The following MATR3 variants were observed in gnomAD, a reference collection of about 807,000 sequenced individuals.
MATR3 encodes matrin-3.
Under a neutral mutation model 85.5 loss-of-function variants are expected in MATR3, and 4 were observed. The ratio of observed to expected loss-of-function variants is 0.05; its 90% confidence interval spans 0.02 to 0.11. MATR3 has a LOEUF of 0.11. Among genes scored for constraint, MATR3 ranks in the 10% least tolerant of loss-of-function variants. The pLI, the probability that MATR3 is intolerant of heterozygous loss-of-function variation, is 1.00. For missense variants in MATR3, 685 were observed against 1,016.1 expected (o/e 0.67, Z 4.43); for synonymous variants, 336 against 343.1 (o/e 0.98, Z 0.23).
chr5:139,310,099 C>CT (rs1230851258), intron 2 of MATR3: 2 of 152,112 alleles, frequency 1.3e-5, no homozygotes, highest in Non-Finnish European at 2.9e-5. Context: ...TATGATTATG[C>CT]TTTTTTCCTT....
Position 139,330,877 on chromosome 5 carries a change from A to T in MATR3, c.*1482A>T, listed in dbSNP as rs79616595. 1,526 of 453,912 alleles carry T rather than the reference A, an allele frequency of 3.4e-3. 20 individuals carry two copies. Among genetic ancestry groups the T allele is most frequent in the African/African-American group, 0.021 (1,033 of 50,098 alleles). The allele number at this position is 453,912 out of a possible 1,614,324, so 28.1% of individuals were successfully genotyped here. On this transcript the variant is annotated 3_prime_UTR_variant, in exon 15 of 15. Transcript: ENST00000394805. ...CAGTGGCACAGTTCTCTGCAACCTCAGCCTTTGGGCTCAAATGACCCTCCT... is the reference window on the plus strand; with the variant it reads ...CAGTGGCACAGTTCTCTGCAACCTCTGCCTTTGGGCTCAAATGACCCTCCT...
In MATR3 at chr5:139,319,490, A is replaced by G; in HGVS notation, c.1591A>G (p.Met531Val). Residue 531 changes from methionine to valine, a missense_variant, in exon 9 of 15, where the codon ATG becomes GTG. Met to Val is a conservative substitution (Grantham distance 21). Coordinates refer to ENST00000394805, the MANE Select transcript of MATR3 (RefSeq NM_018834.6). ...GKIKNYILMR[M>V]KSQAFIEMET... ...AATAAAGAATTACATATTGATGAGG[A>G]TGAAAAGTCAGGTAATATACATAAG... The G allele has an allele frequency of 2.5e-6, 4 of 1,613,224 alleles. No individual in the cohort carries two copies. The highest frequency in any genetic ancestry group is 3.4e-6 in the Non-Finnish European group (4 of 1,179,594).
At chr5:139,282,324 A>G (rs1202448932) in intron 3 of MATR3, among the ~76,000 whole-genome samples, 3 of 152,178 alleles carry the variant, frequency 2.0e-5, no homozygotes, top group Non-Finnish European at 4.4e-5. Context: ...ATTTAGGAAC[A>G]CTTGTAATGA....
intron 2 of MATR3, chr5:139,276,424 T>C (rs1753277312): frequency 9.2e-6 from 3 of 327,068 alleles, no homozygotes; most frequent in South Asian, 7.5e-5. Context: ...ACACTAACGA[T>C]AACTGATAGC....
intron 1 of MATR3, among the ~76,000 whole-genome samples, chr5:139,305,483 C>G (rs559840655): frequency 9.1e-4 from 138 of 152,206 alleles, no homozygotes; most frequent in African/African-American, 3.2e-3. Flanking sequence ...AATTAATAAC[C>G]CTGATACTTC....
At chr5:139,297,615 C>T (rs1754223624) in intron 1 of MATR3, among the ~76,000 whole-genome samples, 1 of 152,138 alleles carries the variant, frequency 6.6e-6, no homozygotes, top group African/African-American at 2.4e-5. Flanking sequence ...GTGCTGTTAT[C>T]TGACCTAACC....
In MATR3 at chr5:139,325,045, T is replaced by C. The variant is rs192430849; in HGVS notation, c.2149-395T>C. Among the ~76,000 whole-genome samples, 78 of 152,040 alleles carry C rather than the reference T, an allele frequency of 5.1e-4. 1 individual carries two copies. Among genetic ancestry groups the C allele is most frequent in the Admixed American group, 2.6e-3 (40 of 15,256 alleles). ...TCTCTACTAAAATTACAAAAAAAAT[T>C]AGCCGGGCGTGGTGGCGTGCGCCTG... On this transcript the variant is annotated intron_variant, in intron 12 of 14. Coordinates refer to ENST00000394805, the MANE Select transcript of MATR3 (RefSeq NM_018834.6).
intron 1 of MATR3, among the ~76,000 whole-genome samples, chr5:139,301,081 C>T (rs1167770872): frequency 6.6e-6 from 1 of 152,136 alleles, no homozygotes; most frequent in Admixed American, 6.5e-5. Context: ...TCCCAAAGTG[C>T]TAGGATTACA....
At chr5:139,322,340 C>G in intron 10 of MATR3, 123 bp from the exon 11 acceptor site, 1 of 950,254 alleles carries the variant, frequency 1.1e-6, no homozygotes, top group Non-Finnish European at 1.7e-6. Flanking sequence ...CTTAGGTTCT[C>G]AAATAAGGTT....
intron 2 of MATR3, among the ~76,000 whole-genome samples, chr5:139,309,422 G>A (rs1204729979): frequency 6.6e-6 from 1 of 152,018 alleles, no homozygotes; most frequent in Non-Finnish European, 1.5e-5. Context: ...TCTTTTCATA[G>A]CTAATCCTTT....
intron 14 of MATR3, among the ~76,000 whole-genome samples, chr5:139,327,274 A>C (rs975586828): frequency 6.0e-5 from 9 of 150,684 alleles, no homozygotes; most frequent in Admixed American, 1.3e-4. Context: ...TTTTGGAAAT[A>C]ATTCAAGTTC....
chr5:139,291,430 A>C (rs1753866037), upstream of MATR3, among the ~76,000 whole-genome samples: 1 of 152,258 alleles, frequency 6.6e-6, no homozygotes, highest in African/African-American at 2.4e-5. Flanking sequence ...GTACTCAAGA[A>C]ATATTTCTTG....
chr5:139,325,969 G>A (rs1357884712), intron 13 of MATR3, among the ~76,000 whole-genome samples, 194 bp from the exon 14 acceptor site: 1 of 151,866 alleles, frequency 6.6e-6, no homozygotes, highest in Admixed American at 6.6e-5. Flanking sequence ...CTTTTTTTAA[G>A]AATACAGTTA....
chr5:139,328,284 A>AT (rs1283756994), intron 14 of MATR3, among the ~76,000 whole-genome samples: 11 of 151,564 alleles, frequency 7.3e-5, no homozygotes, highest in East Asian at 1.9e-4. Context: ...TTGTGGGGTG[A>AT]TTTTTTGTTG....
rs1351332657 is a variant in MATR3 at position 139,318,914 on chromosome 5, A to G, written c.1315A>G (p.Ile439Val). The G allele has an allele frequency of 6.2e-7, 1 of 1,614,226 alleles. No individual in the cohort carries two copies. Among genetic ancestry groups the G allele is most frequent in the South Asian group, 1.1e-5 (1 of 91,086 alleles). The change falls in exon 8 of 15, where the codon ATT (isoleucine) becomes GTT (valine). Residue 439 changes from isoleucine to valine, a missense_variant. Coordinates refer to ENST00000394805, the MANE Select transcript of MATR3 (RefSeq NM_018834.6). ...ACTTTTTGTATAATTTCAGGCATTT[A>G]TTGAAATGGCAACCACAGAGGATGC... is the stretch of plus-strand genomic sequence containing the variant. ...LILNKINEAF[I>V]EMATTEDAQA...
rs750841386 is a variant in MATR3 at position 139,275,142 on chromosome 5, ATTTTTTT to A, written c.-286-957_-286-951del. Among the ~76,000 whole-genome samples the A allele has an allele frequency of 2.1e-3, 87 of 40,914 alleles. 1 individual carries two copies. The highest frequency in any genetic ancestry group is 3.8e-3 in the African/African-American group (41 of 10,662). The allele number at this position is 40,914 out of a possible 152,430, so 26.8% of individuals were successfully genotyped here. A position where few individuals can be genotyped will look rare whatever the true frequency, so the allele number is the denominator to read the frequency against. On this transcript the variant is annotated intron_variant, in intron 1 of 16. Transcript: ENST00000509990. ...AGGTGCCCGCCACCACGCCCGGCTA[ATTTTTTT>A]TTTTTTTTTTTTTTTTTTTTTGTAT...
intron 5 of MATR3, 91 bp downstream of exon 5, chr5:139,316,279 C>G (rs922164919): frequency 1.0e-6 from 1 of 964,688 alleles, no homozygotes; most frequent in Non-Finnish European, 1.6e-6. Context: ...GGGTTTTGCT[C>G]TTATCGCCCA....
intron 8 of MATR3, 117 bp from the exon 9 acceptor site, chr5:139,319,217 A>T (rs1755413747): frequency 1.5e-6 from 2 of 1,318,948 alleles, no homozygotes; most frequent in African/African-American, 2.9e-5. Context: ...AAGCCTGGGC[A>T]ACATAGCAAG....
chr5:139,331,037 C>T lies in MATR3; in HGVS notation c.*1642C>T, dbSNP rs547260175. ...AATTCCTGGGCCCAAGTGATCTGCT[C>T]GCTTCAGCCTCCCAAAGTGCTGGGA... On this transcript the variant is annotated 3_prime_UTR_variant, in exon 15 of 15. Transcript: ENST00000394805. 16 of 454,014 alleles carry T rather than the reference C, an allele frequency of 3.5e-5. No individual in the cohort carries two copies. In the East Asian group the frequency reaches 6.3e-4, roughly 18 times the overall value. 28.1% of individuals were successfully genotyped at this position (454,014 alleles called of 1,614,324 possible).
Sources: allele counts gnomAD v4.1 joint callset (sites outside exome capture counted in the v4.1 genomes callset), GRCh38; gene constraint gnomAD v4.1.1; transcripts MANE v1.5; gene names NCBI Gene and HGNC (gene_info 2026-07-23, HGNC 2026-07-21).